NUP85: variants seen among roughly 807,000 people sequenced by gnomAD.
NUP85 encodes the protein nucleoporin 85, also known as nuclear pore complex protein Nup85.
NUP85 carries 23 observed loss-of-function variants against 92.8 expected under a neutral mutation model. That is an observed-to-expected ratio of 0.25 (90% CI 0.18 to 0.35). The LOEUF (loss-of-function observed/expected upper bound fraction) is 0.35. NUP85 is among the 10% of genes least tolerant of loss of function. NUP85 has a pLI of 1.00. For synonymous variants in NUP85, 314 were observed against 306.9 expected, an observed-to-expected ratio of 1.02 and a Z score of -0.24; for missense variants, 759 against 822.8, an observed-to-expected ratio of 0.92 and a Z score of 0.95.
chr17:75,234,703 T>C lies in NUP85; in HGVS notation c.1682T>C (p.Leu561Pro), dbSNP rs1355620742. Reference sequence around the variant, plus strand: ...TTTGCCGACGCAGCTTCTCTCCTTCTGTCCTTGATGACGTCTCGGATTGCC... The same window carrying C: ...TTTGCCGACGCAGCTTCTCTCCTTCCGTCCTTGATGACGTCTCGGATTGCC... ...KRFADAASLL[L>P]SLMTSRIAPR... is the part of the protein sequence containing the mutation. The change falls in exon 17 of 19, where the codon CTG becomes CCG. Residue 561 changes from leucine to proline, a missense_variant. Physicochemically the swap from Leu to Pro is moderately conservative, Grantham distance 98. Transcript: ENST00000245544. The C allele has an allele frequency of 3.1e-6, 5 of 1,614,112 alleles. No individual in the cohort carries two copies. Among genetic ancestry groups the C allele is most frequent in the South Asian group, 2.2e-5 (2 of 91,092 alleles).
rs368319588 is a variant in NUP85, at chr17:75,232,827, T to C, written c.1397-24T>C. On this transcript the variant is annotated intron_variant, in intron 14 of 18. Coordinates refer to ENST00000245544, the MANE Select transcript of NUP85 (RefSeq NM_024844.5). ...AGTGATTTGTGGAGTGAAAGCCGTT[T>C]ACCTTTTCTTTTCCCCTGCAAAGTT... 20 of 1,605,632 alleles carry C rather than the reference T, an allele frequency of 1.2e-5. No homozygotes were observed. The African/African-American group carries it at 2.4e-4, about 19-fold the overall frequency.
In NUP85 at chr17:75,231,836, A is replaced by G; in HGVS notation, c.1253A>G (p.Gln418Arg). The G allele has an allele frequency of 6.2e-7, 1 of 1,614,074 alleles. No homozygotes were observed. Among genetic ancestry groups the G allele is most frequent in the Non-Finnish European group, 8.5e-7 (1 of 1,179,968 alleles). The change falls in exon 14 of 19, where the codon CAG becomes CGG. Residue 418 changes from glutamine to arginine, a missense_variant. By Grantham distance (43) the Gln-to-Arg change is conservative (BLOSUM62 1). Coordinates refer to ENST00000245544, the MANE Select transcript of NUP85 (RefSeq NM_024844.5). This position sits in a 1 kb window ranked among gnomAD's most constrained non-coding sequence, Gnocchi z 4.6. ...SGLFAHPSLW[Q>R]LGVDYFDYCP... ...TCCTCGAACCTTTGCAGCCTGTGGC[A>G]GCTGGGGGTCGATTACTTTGATTAC...
chr17:75,226,878 C>T (rs770507269), intron 11 of NUP85: 5 of 321,728 alleles, frequency 1.6e-5, no homozygotes, highest in Non-Finnish European at 2.5e-5. Context: ...ACTCCAGTGA[C>T]GTGAGCTACC....
At chr17:75,228,360 A>G in intron 11 of NUP85, 1 of 985,252 alleles carries the variant, frequency 1.0e-6, no homozygotes, top group Non-Finnish European at 1.2e-6. Context: ...CTCCACTCTC[A>G]CAAGCAGGAA....
Position 75,232,957 on chromosome 17 carries a change from C to G in NUP85, c.1503C>G (p.Leu501=), listed in dbSNP as rs201018542. 97 of 1,613,982 alleles carry G rather than the reference C, an allele frequency of 6.0e-5. No homozygotes were observed. In the South Asian group the frequency reaches 1.0e-3, roughly 17 times the overall value. The part of the protein sequence containing the change: ...IRAKDAAFAT[L]VSDRFLRDYC... ...CTAAGGATGCCGCCTTTGCCACGCT[C>G]GTGTCAGACAGGTGGGTGCCGCTAG... Residue 501 remains leucine (L), a synonymous_variant, in exon 15 of 19, where the codon CTC becomes CTG. Coordinates refer to ENST00000245544, the MANE Select transcript of NUP85 (RefSeq NM_024844.5).
chr17:75,219,511 C>G (rs9911865), intron 7 of NUP85, among the ~76,000 whole-genome samples: 7,536 of 152,196 alleles, frequency 0.05, 624 homozygotes, highest in African/African-American at 0.17. Context: ...TGGGCTCAAG[C>G]AATCCTTCCA....
At chr17:75,223,047 A>AC (rs1044838304) in intron 7 of NUP85, among the ~76,000 whole-genome samples, 4 of 151,720 alleles carry the variant, frequency 2.6e-5, no homozygotes, top group African/African-American at 9.7e-5. Flanking sequence ...AAAAAAAAAA[A>AC]AAAAAAACTC....
intron 5 of NUP85, among the ~76,000 whole-genome samples, chr17:75,214,403 A>C (rs537165625): frequency 2.0e-5 from 3 of 152,276 alleles, no homozygotes; most frequent in East Asian, 1.9e-4. Context: ...GGGGTCTTAT[A>C]TTGGGCTTTC....
At chr17:75,216,829 G>T (rs1296698459) in intron 6 of NUP85, among the ~76,000 whole-genome samples, 1 of 152,062 alleles carries the variant, frequency 6.6e-6, no homozygotes, top group Non-Finnish European at 1.5e-5. Flanking sequence ...CTTTGTATCT[G>T]CAGGTTCTAC....
Position 75,231,985 on chromosome 17 carries a change from C to T in NUP85, c.1396+6C>T. 6.2e-7 allele frequency: 1 copy of T among 1,613,996 alleles called. No individual in the cohort carries two copies. Among genetic ancestry groups the T allele is most frequent in the Non-Finnish European group, 8.5e-7 (1 of 1,180,004 alleles). On this transcript the variant is annotated splice_donor_region_variant and intron_variant, in intron 14 of 18. Coordinates refer to ENST00000245544, the MANE Select transcript of NUP85 (RefSeq NM_024844.5). This position sits in a 1 kb window ranked among gnomAD's most constrained non-coding sequence, Gnocchi z 4.6. ...GCGGCAGATGACTGAACAAGGTGAG[C>T]TGGCCCTGCTCCCAGCCTACTGTCT...
Position 75,231,292 on chromosome 17 carries a change from C to T in NUP85, c.1095-48C>T, listed in dbSNP as rs373954540. The stretch of plus-strand genomic sequence containing the variant: ...TGCTCACCCCCACTCTTGTGGGACG[C>T]GGCCTGTGCCCTGATTTTCCTTCTT... On this transcript the variant is annotated intron_variant, in intron 11 of 18. Coordinates refer to ENST00000245544, the MANE Select transcript of NUP85 (RefSeq NM_024844.5). This position sits in a 1 kb window ranked among gnomAD's most constrained non-coding sequence, Gnocchi z 4.6. The T allele has an allele frequency of 4.3e-5, 68 of 1,587,836 alleles. No individual in the cohort carries two copies. The highest frequency in any genetic ancestry group is 7.7e-5 in the South Asian group (7 of 90,504).
At chr17:75,215,285 A>G (rs1177220794) in intron 5 of NUP85, among the ~76,000 whole-genome samples, 1 of 152,156 alleles carries the variant, frequency 6.6e-6, no homozygotes, top group Non-Finnish European at 1.5e-5. Context: ...ATTATGGCTC[A>G]CTCAGACTCA....
In NUP85 at chr17:75,232,868, A is replaced by G. The variant is rs982808612; in HGVS notation, c.1414A>G (p.Ile472Val). The G allele has an allele frequency of 6.2e-7, 1 of 1,614,034 alleles. No individual in the cohort carries two copies. The highest frequency in any genetic ancestry group is 8.5e-7 in the Non-Finnish European group (1 of 1,180,012). ...MTEQVRSICK[I>V]LAMKAVRNNR... ...CTGCAAAGTTCGCAGCATTTGTAAG[A>G]TCTTAGCCATGAAAGCCGTCCGCAA... Residue 472 changes from isoleucine to valine, a missense_variant, in exon 15 of 19, where the codon ATC (isoleucine) becomes GTC (valine). Coordinates refer to ENST00000245544, the MANE Select transcript of NUP85 (RefSeq NM_024844.5).
rs139015491 is a variant in NUP85, at chr17:75,221,998, A to G, written c.598-3105A>G. ...GTTGGTGAATTGGAGGCAAACTGGT[A>G]TTTAATTTTAGACATGTTTCTCTCG... On this transcript the variant is annotated intron_variant, in intron 7 of 18. Transcript: ENST00000245544. Among the ~76,000 whole-genome samples the G allele has an allele frequency of 1.4e-4, 22 of 151,886 alleles. No individual in the cohort carries two copies. In the South Asian group the frequency reaches 3.6e-3, roughly 25 times the overall value.
intron 1 of NUP85, among the ~76,000 whole-genome samples, chr17:75,206,561 C>CA (rs2075087412): frequency 6.6e-6 from 1 of 151,992 alleles, no homozygotes; most frequent in African/African-American, 2.4e-5. Context: ...GGAGGTTAGG[C>CA]AGTGAGGAGG....
At chr17:75,216,713 GCATT>G (rs1382235775) in intron 6 of NUP85, among the ~76,000 whole-genome samples, 2 of 152,096 alleles carry the variant, frequency 1.3e-5, no homozygotes, top group East Asian at 3.9e-4. Context: ...TGTAGCCCTA[GCATT>G]TTATTCATAC....
At chr17:75,219,951 G>A (rs575925498) in intron 7 of NUP85, among the ~76,000 whole-genome samples, 37 of 152,192 alleles carry the variant, frequency 2.4e-4, no homozygotes, top group African/African-American at 8.9e-4. Flanking sequence ...TGGGAGGGAT[G>A]AGCTGGGGAG....
chr17:75,229,447 G>A (rs912072736), intron 11 of NUP85, among the ~76,000 whole-genome samples: 3 of 152,160 alleles, frequency 2.0e-5, no homozygotes, highest in East Asian at 1.9e-4. Context: ...ACTCCGCAGC[G>A]TTCTCTCGTT....
intron 16 of NUP85, among the ~76,000 whole-genome samples, chr17:75,233,503 C>T (rs963153928): frequency 1.5e-5 from 2 of 132,262 alleles, no homozygotes; most frequent in African/African-American, 5.4e-5. Flanking sequence ...CTCACTGCAA[C>T]CTCCACCTCC....
Sources: gnomAD v4.1 joint callset for allele counts (sites outside exome capture counted in the v4.1 genomes callset) on GRCh38, gnomAD v4.1.1 for gene constraint, Gnocchi (gnomAD v3.1) non-coding constraint, MANE v1.5 for transcripts, NCBI Gene and HGNC (gene_info 2026-07-23, HGNC 2026-07-21) for gene names.